The following DLG2 variants were observed in gnomAD, a reference collection of about 807,000 sequenced individuals.
The protein encoded by DLG2 is disks large homolog 2.
Under a neutral mutation model 132.5 loss-of-function variants are expected in DLG2, and 45 were observed. The ratio of observed to expected loss-of-function variants is 0.34; its 90% CI spans 0.27 to 0.44. The LOEUF is 0.44. Ranked by LOEUF, DLG2 falls within the 20% of genes least tolerant of loss-of-function variation. The pLI is 1.00. For missense variants in DLG2, 1,045 were observed against 1,196.9 expected, an observed-to-expected ratio of 0.87 and a Z score of 1.87; for synonymous variants, 424 against 419.6, an observed-to-expected ratio of 1.01 and a Z score of -0.13.
At chr11:84,576,898 A>G (rs1300805505) in intron 6 of DLG2, among the ~76,000 whole-genome samples, 1 of 152,040 alleles carries the variant, frequency 6.6e-6, no homozygotes, top group Non-Finnish European at 1.5e-5. Flanking sequence ...ATACTTTGTG[A>G]TATGGTTTGG....
chr11:83,848,290 G>C (rs963163362), intron 16 of DLG2, among the ~76,000 whole-genome samples: 2 of 152,078 alleles, frequency 1.3e-5, no homozygotes, highest in African/African-American at 4.8e-5. Flanking sequence ...GCCTGGTACA[G>C]ATTAGGTACA....
chr11:85,520,733 G>A (rs951294161), intron 3 of DLG2, among the ~76,000 whole-genome samples: 2 of 151,812 alleles, frequency 1.3e-5, no homozygotes, highest in African/African-American at 2.4e-5. Context: ...ACTCATTTTT[G>A]AAAAAGATGC....
chr11:83,933,986 G>A (rs1335449636), intron 14 of DLG2, among the ~76,000 whole-genome samples: 1 of 152,236 alleles, frequency 6.6e-6, no homozygotes, highest in Non-Finnish European at 1.5e-5. Context: ...GAGCACCAGA[G>A]TGAAGCTCTA....
chr11:84,549,434 C>T (rs2099397254), intron 6 of DLG2, among the ~76,000 whole-genome samples: 1 of 152,166 alleles, frequency 6.6e-6, no homozygotes, highest in Non-Finnish European at 1.5e-5. Context: ...CTACTAAAAG[C>T]TAGAAACATG....
intron 3 of DLG2, among the ~76,000 whole-genome samples, chr11:85,316,122 AT>A (rs201697910): frequency 4.3e-4 from 64 of 149,008 alleles, no homozygotes; most frequent in African/African-American, 1.3e-3. Flanking sequence ...CAAACAGAAG[AT>A]TTTTTTTTTT....
intron 3 of DLG2, among the ~76,000 whole-genome samples, chr11:85,473,165 C>G (rs2093038892): frequency 6.6e-6 from 1 of 152,234 alleles, no homozygotes; most frequent in Non-Finnish European, 1.5e-5. Flanking sequence ...GCACACCTGG[C>G]TTGCCCTTGG....
chr11:84,713,506 A>G (rs1337114592), intron 6 of DLG2, among the ~76,000 whole-genome samples: 1 of 152,072 alleles, frequency 6.6e-6, no homozygotes, highest in East Asian at 1.9e-4. Context: ...GAACACTTGG[A>G]TTTTTTGCAT....
intron 6 of DLG2, among the ~76,000 whole-genome samples, chr11:84,711,412 C>T: frequency 7.3e-6 from 1 of 137,400 alleles, no homozygotes; most frequent in Admixed American, 7.3e-5. Context: ...CCCCCACCCC[C>T]TCCCCCACCC....
At chr11:84,067,392 C>T (rs2096692319) in intron 10 of DLG2, among the ~76,000 whole-genome samples, 1 of 152,052 alleles carries the variant, frequency 6.6e-6, no homozygotes, top group Non-Finnish European at 1.5e-5. Context: ...TAATTCCACA[C>T]ATTTTATGTC....
At chr11:84,196,103 C>G (rs1231830474) in intron 8 of DLG2, among the ~76,000 whole-genome samples, 1 of 152,152 alleles carries the variant, frequency 6.6e-6, no homozygotes, top group East Asian at 1.9e-4. Context: ...ATATTTATTT[C>G]CAGTAATTTT....
Position 84,089,910 on chromosome 11 carries a change from A to AAT in DLG2, c.749+9012_749+9013insAT, listed in dbSNP as rs1401159325. On this transcript the variant is annotated intron_variant, in intron 10 of 27. Coordinates refer to ENST00000376104, the MANE Select transcript of DLG2 (RefSeq NM_001142699.3). Reference sequence around the variant, plus strand: ...CTCTTGTGTAAAATGTCATTGCTGCATTGCCAAGTGGAGGCTGTCATGTGA... The same window carrying AAT: ...CTCTTGTGTAAAATGTCATTGCTGCAATTTGCCAAGTGGAGGCTGTCATGTGA... Among the ~76,000 whole-genome samples the AAT allele has an allele frequency of 3.9e-5, 6 of 152,282 alleles. No individual in the cohort carries two copies. In the East Asian group the frequency reaches 1.2e-3, roughly 29 times the overall value.
intron 19 of DLG2, among the ~76,000 whole-genome samples, chr11:83,626,022 C>A (rs997473952): frequency 6.6e-6 from 1 of 152,186 alleles, no homozygotes; most frequent in African/African-American, 2.4e-5. Context: ...AAGGAGAATT[C>A]TTTATGCCAA....
Position 84,538,482 on chromosome 11 carries a change from G to C in DLG2, c.358-3751C>G, listed in dbSNP as rs553935033. The stretch of plus-strand genomic sequence containing the variant: ...CCCCAACTCTCATACCTCACGGTGA[G>C]ACAAATCCCGTGATGTGAATTACAC... On this transcript the variant is annotated intron_variant, in intron 6 of 27. Transcript: ENST00000376104. Among the ~76,000 whole-genome samples, 221 of 152,264 alleles carry C rather than the reference G, an allele frequency of 1.5e-3. 10 individuals carry two copies. In the Middle Eastern group the frequency reaches 0.027, roughly 19 times the overall value.
intron 6 of DLG2, among the ~76,000 whole-genome samples, chr11:85,026,309 G>A (rs1012357419): frequency 6.6e-6 from 1 of 152,174 alleles, no homozygotes; most frequent in Non-Finnish European, 1.5e-5. Flanking sequence ...CAAAGAACAT[G>A]AAAAGAAATT....
intron 6 of DLG2, among the ~76,000 whole-genome samples, chr11:84,917,224 G>A (rs555173433): frequency 3.9e-5 from 6 of 152,246 alleles, no homozygotes; most frequent in South Asian, 4.1e-4. Context: ...AAGGATGAAC[G>A]CAGAATACAA....
chr11:85,024,655 C>A (rs2060364499), intron 6 of DLG2, among the ~76,000 whole-genome samples: 1 of 152,226 alleles, frequency 6.6e-6, no homozygotes, highest in Admixed American at 6.5e-5. Context: ...AGAAAATCAT[C>A]TAAGCCATTT....
At chr11:84,458,564 TTAGGATG>T (rs2099071618) in intron 7 of DLG2, among the ~76,000 whole-genome samples, 1 of 150,828 alleles carries the variant, frequency 6.6e-6, no homozygotes, top group African/African-American at 2.4e-5. Flanking sequence ...TGTGAATTGT[TTAGGATG>T]TTGGTGATTT....
intron 3 of DLG2, among the ~76,000 whole-genome samples, chr11:85,463,445 A>T (rs1452139438): frequency 6.6e-6 from 1 of 152,236 alleles, no homozygotes; most frequent in Non-Finnish European, 1.5e-5. Flanking sequence ...GAGAGATAAA[A>T]GGAAGATAAT....
intron 18 of DLG2, among the ~76,000 whole-genome samples, chr11:83,635,689 G>C (rs191628980): frequency 6.6e-6 from 1 of 151,982 alleles, no homozygotes; most frequent in Non-Finnish European, 1.5e-5. Flanking sequence ...GTGTAATTTG[G>C]ATATTTTCCT....
Sources: gnomAD v4.1 joint callset for allele counts (sites outside exome capture counted in the v4.1 genomes callset) on GRCh38, gnomAD v4.1.1 for gene constraint, MANE v1.5 for transcripts, NCBI Gene and HGNC (gene_info 2026-07-23, HGNC 2026-07-21) for gene names.